The following MCM10 variants were observed in gnomAD, a reference collection of about 807,000 sequenced individuals.
MCM10 encodes the protein protein MCM10 homolog.
MCM10 carries 91 observed loss-of-function variants against 109.9 expected under a neutral mutation model. The ratio of observed to expected loss-of-function variants is 0.83; its 90% CI spans 0.70 to 0.99. MCM10 has a LOEUF of 0.99. Among genes scored for constraint, MCM10 ranks in the 50% least tolerant of loss-of-function variants. The probability of loss-of-function intolerance (pLI) is 0.00; values close to 1 mark genes in which losing one functional copy is unlikely to be tolerated. For missense variants in MCM10, 1,077 were observed against 1,061.2 expected, an observed-to-expected ratio of 1.01 and a Z score of -0.21; for synonymous variants, 380 against 387.2, an observed-to-expected ratio of 0.98 and a Z score of 0.22.
Position 13,210,303 on chromosome 10 carries a change from C to A in MCM10, c.*993C>A, listed in dbSNP as rs538823409. 1 of 134,290 alleles carries A rather than the reference C, an allele frequency of 7.4e-6. No homozygotes were observed. Among genetic ancestry groups the A allele is most frequent in the Admixed American group, 7.7e-5 (1 of 13,070 alleles). 8.3% of individuals were successfully genotyped at this position (134,290 alleles called of 1,614,324 possible). A position where few individuals can be genotyped will look rare whatever the true frequency, so the allele number is the denominator to read the frequency against. On this transcript the variant is annotated 3_prime_UTR_variant, in exon 20 of 20. Transcript: ENST00000378714. ...CTCCTGAGCACTAGCAATCCACCCA[C>A]CTCTGTTTCCAAAAAAAAAAAAAAA...
chr10:13,203,801 T>C (rs1834531891), intron 17 of MCM10, among the ~76,000 whole-genome samples: 1 of 147,078 alleles, frequency 6.8e-6, no homozygotes, highest in South Asian at 2.2e-4. Flanking sequence ...TAGAAGAGAA[T>C]GAAAGAGCTG....
chr10:13,186,062 A>G (rs949285194), intron 8 of MCM10, 102 bp from the exon 9 acceptor site: 2 of 698,036 alleles, frequency 2.9e-6, no homozygotes, highest in Admixed American at 4.2e-5. Flanking sequence ...GCGCCTGGCA[A>G]TAACCTTCTT....
Position 13,209,537 on chromosome 10 carries a change from T to A in MCM10, c.*227T>A. On this transcript the variant is annotated 3_prime_UTR_variant, in exon 20 of 20. Coordinates refer to ENST00000378714, the MANE Select transcript of MCM10 (RefSeq NM_018518.5). ...CAAGTTATCATTGTCTTTTCTAAGC[T>A]CAGTGTGGATGATTGCATTACTTCA... The A allele has an allele frequency of 1.7e-6, 1 of 574,804 alleles. No homozygotes were observed. The highest frequency in any genetic ancestry group is 3.1e-5 in the Admixed American group (1 of 32,248). 35.6% of individuals were successfully genotyped at this position (574,804 alleles called of 1,614,324 possible).
At position 13,183,075 on chromosome 10, in the gene MCM10, T is replaced by A. The variant is rs1331015699; in HGVS notation, c.1073T>A (p.Met358Lys). ...TVVGILNANP[M>K]KPKDGSEEVC... ...GTAGGGATCCTCAATGCCAACCCCA[T>A]GAAGCCCAAGGATGGTTCAGAGGAG... The change falls in exon 8 of 20, where the codon ATG becomes AAG. Residue 358 changes from methionine (M) to lysine (K), a missense_variant. By Grantham distance (95) the Met-to-Lys change is moderately conservative. Transcript: ENST00000378714. 2 of 1,614,072 alleles carry A rather than the reference T, an allele frequency of 1.2e-6. No individual in the cohort carries two copies. The highest frequency in any genetic ancestry group is 1.7e-6 in the Non-Finnish European group (2 of 1,180,000).
At position 13,209,438 on chromosome 10, in the gene MCM10, A is replaced by T. The variant is rs1222471455; in HGVS notation, c.*128A>T. ...AAAAACAAATGCTTGTTAAGCCCATAAGCTTTGCCTGCTTACTTTCTGCCA... is the reference window on the plus strand; with the variant it reads ...AAAAACAAATGCTTGTTAAGCCCATTAGCTTTGCCTGCTTACTTTCTGCCA... On this transcript the variant is annotated 3_prime_UTR_variant, in exon 20 of 20. Transcript: ENST00000378714. 1.4e-5 allele frequency: 10 copies of T among 725,110 alleles called. No individual in the cohort carries two copies. The highest frequency in any genetic ancestry group is 2.3e-5 in the Non-Finnish European group (10 of 430,086). 44.9% of individuals were successfully genotyped at this position (725,110 alleles called of 1,614,324 possible). A position where few individuals can be genotyped will look rare whatever the true frequency, so the allele number is the denominator to read the frequency against.
intron 3 of MCM10, 115 bp downstream of exon 3, chr10:13,171,378 T>G: frequency 1.9e-6 from 2 of 1,027,766 alleles, no homozygotes; most frequent in Non-Finnish European, 2.7e-6. Flanking sequence ...AATGACTTTG[T>G]AAAAAAAGAA....
intron 14 of MCM10, among the ~76,000 whole-genome samples, chr10:13,197,046 C>G (rs1262985066): frequency 9.0e-6 from 1 of 110,706 alleles, no homozygotes; most frequent in South Asian, 3.2e-4. Flanking sequence ...CCATCTCAGT[C>G]CCCTGAGTAG....
In MCM10 at chr10:13,209,379, G is replaced by T; in HGVS notation, c.*69G>T. ...GACTCTGGAAAGCAAAGGATTGGCT[G>T]TGTATTGTCCATTGATTCCTGATTG... On this transcript the variant is annotated 3_prime_UTR_variant, in exon 20 of 20. Transcript: ENST00000378714. 8.1e-7 allele frequency: 1 copy of T among 1,228,246 alleles called. No individual in the cohort carries two copies. Among genetic ancestry groups the T allele is most frequent in the Non-Finnish European group, 1.2e-6 (1 of 837,378 alleles). 76.1% of individuals were successfully genotyped at this position (1,228,246 alleles called of 1,614,324 possible).
intron 9 of MCM10, among the ~76,000 whole-genome samples, chr10:13,187,441 C>A (rs1227122344): frequency 1.3e-5 from 2 of 152,192 alleles, no homozygotes; most frequent in East Asian, 3.8e-4. Flanking sequence ...CTAAAACACT[C>A]ACATACAAGT....
At chr10:13,170,740 CAG>C (rs895357654) in intron 2 of MCM10, among the ~76,000 whole-genome samples, 180 bp from the exon 3 acceptor site, 19 of 152,196 alleles carry the variant, frequency 1.2e-4, no homozygotes, top group African/African-American at 4.6e-4. Flanking sequence ...AGGCTTGTTA[CAG>C]AGATGTATAT....
At chr10:13,192,018 C>G (rs146556271) in intron 11 of MCM10, among the ~76,000 whole-genome samples, 2 of 152,246 alleles carry the variant, frequency 1.3e-5, no homozygotes, top group Non-Finnish European at 2.9e-5. Flanking sequence ...GGAATGACCC[C>G]CAGATTTAAG....
In MCM10 at chr10:13,189,068, A is replaced by C; in HGVS notation, c.1403A>C (p.Tyr468Ser). ...TACGGAGGGGTTTCTTCTGCCTCGT[A>C]TGCAGCTTCAATGTAAGACGTTCTC... ...FYYGGVSSAS[Y>S]AASIAAAVAP... Residue 468 changes from tyrosine to serine, a missense_variant, in exon 10 of 20, where the codon TAT becomes TCT. Transcript: ENST00000378714. 6.2e-7 allele frequency: 1 copy of C among 1,614,224 alleles called. No homozygotes were observed. The highest frequency in any genetic ancestry group is 2.2e-5 in the East Asian group (1 of 44,882).
In MCM10 at chr10:13,172,689, C is replaced by T; in HGVS notation, c.516C>T (p.Cys172=). ...TTCAGAGAATTCAGGAGTCAACATG[C>T]TTTTCTGCGGAGCTTGATGTCCCTG... ...RRVQRIQEST[C]FSAELDVPAL... Residue 172 remains cysteine (C), a synonymous_variant, in exon 5 of 20, where the codon TGC becomes TGT. Transcript: ENST00000378714. The surrounding 1 kb of genome is among the most constrained non-coding windows in gnomAD (Gnocchi z 5.2). 6.2e-7 allele frequency: 1 copy of T among 1,614,140 alleles called. No homozygotes were observed. Among genetic ancestry groups the T allele is most frequent in the South Asian group, 1.1e-5 (1 of 91,082 alleles).
intron 19 of MCM10, 42 bp downstream of exon 19, chr10:13,209,175 C>A (rs1564396467): frequency 6.2e-7 from 1 of 1,601,826 alleles, no homozygotes; most frequent in Non-Finnish European, 8.6e-7. Context: ...TTTTAGTGAC[C>A]CATGCTAATA....
intron 18 of MCM10, among the ~76,000 whole-genome samples, chr10:13,206,118 C>T (rs993388557): frequency 1.3e-5 from 2 of 152,196 alleles, no homozygotes; most frequent in African/African-American, 2.4e-5. Flanking sequence ...TTCTTGTGAA[C>T]GTGTACTGCT....
chr10:13,175,425 G>A, intron 5 of MCM10, 85 bp from the exon 6 acceptor site: 1 of 1,189,600 alleles, frequency 8.4e-7, no homozygotes, highest in African/African-American at 1.5e-5. Flanking sequence ...TATCTCAAAG[G>A]AACAAATCCG....
Position 13,186,265 on chromosome 10 carries a change from G to T in MCM10, c.1200G>T (p.Thr400=). 1.2e-6 allele frequency: 2 copies of T among 1,609,898 alleles called. No homozygotes were observed. Among genetic ancestry groups the T allele is most frequent in the Non-Finnish European group, 1.7e-6 (2 of 1,176,692 alleles). The change falls in exon 9 of 20, where the codon ACG becomes ACT. Residue 400 remains threonine, a synonymous_variant. Transcript: ENST00000378714. ...AGAAGAAGAATGGAGAGCCGTGCAC[G>T]CAGACTGTGAATTTGGTTGGTTTCA... ...KAKKKNGEPC[T]QTVNLRDCEY... is the part of the protein sequence containing the mutation.
At chr10:13,197,414 T>G (rs1834435757) in intron 14 of MCM10, among the ~76,000 whole-genome samples, 1 of 152,206 alleles carries the variant, frequency 6.6e-6, no homozygotes, top group Non-Finnish European at 1.5e-5. Context: ...TAAACTAAGA[T>G]TTTATTCATC....
At chr10:13,170,865 T>A in intron 2 of MCM10, 57 bp from the exon 3 acceptor site, 1 of 1,496,882 alleles carries the variant, frequency 6.7e-7, no homozygotes, top group Non-Finnish European at 9.2e-7. Context: ...TTGCCTAAAG[T>A]TGAATGTTTG....
Sources: gnomAD v4.1 joint callset for allele counts (sites outside exome capture counted in the v4.1 genomes callset) on GRCh38, gnomAD v4.1.1 for gene constraint, Gnocchi (gnomAD v3.1) non-coding constraint, MANE v1.5 for transcripts, NCBI Gene and HGNC (gene_info 2026-07-23, HGNC 2026-07-21) for gene names.